The following NUDC variants were observed in gnomAD, a reference collection of about 807,000 sequenced individuals.
NUDC encodes the protein nuclear migration protein nudC.
NUDC carries 14 observed loss-of-function variants against 45.0 expected under a neutral mutation model. The observed-to-expected ratio is 0.31, with a 90% CI of 0.21 to 0.49. The LOEUF (loss-of-function observed/expected upper bound fraction) is 0.49. NUDC is among the 20% of genes least tolerant of loss of function. NUDC has a pLI of 0.99. For missense variants in NUDC, 323 were observed against 426.2 expected (o/e 0.76, Z 2.13); for synonymous variants, 153 against 156.7 (o/e 0.98, Z 0.17).
intron 1 of NUDC, among the ~76,000 whole-genome samples, chr1:26,902,065 T>C (rs1159295494): frequency 2.0e-5 from 3 of 152,198 alleles, no homozygotes; most frequent in African/African-American, 7.2e-5. Flanking sequence ...AAGAAATGCC[T>C]TCCCACTGTT....
At chr1:26,901,453 G>A (rs143600439) in intron 1 of NUDC, among the ~76,000 whole-genome samples, 87 of 139,816 alleles carry the variant, frequency 6.2e-4, no homozygotes, top group African/African-American at 2.3e-3. Context: ...CATCCAGGCT[G>A]GAGTGCAATG....
chr1:26,901,963 C>G (rs764158437), intron 1 of NUDC, among the ~76,000 whole-genome samples: 1 of 151,890 alleles, frequency 6.6e-6, no homozygotes, highest in Non-Finnish European at 1.5e-5. Flanking sequence ...CTTGTCTAAA[C>G]AATAAAAAAA....
rs770927596 is a variant in NUDC at position 26,943,044 on chromosome 1, G to A, written c.720G>A (p.Val240=). Residue 240 remains valine (V), a synonymous_variant, in exon 6 of 9, where the codon GTG becomes GTA. Coordinates refer to ENST00000321265, the MANE Select transcript of NUDC (RefSeq NM_006600.4). ...CGTGGCTCATTGAGGACGGCAAGGTGGTGACTGTGCATCTGGAGAAGGTAT... is the reference window on the plus strand; with the variant it reads ...CGTGGCTCATTGAGGACGGCAAGGTAGTGACTGTGCATCTGGAGAAGGTAT... ...ESSWLIEDGK[V]VTVHLEKINK... is the part of the protein sequence containing the mutation. 1.1e-5 allele frequency: 17 copies of A among 1,613,982 alleles called. No homozygotes were observed. Among genetic ancestry groups the A allele is most frequent in the Non-Finnish European group, 1.1e-5 (13 of 1,180,032 alleles).
chr1:26,941,311 T>G (rs2082274213), intron 2 of NUDC, 146 bp from the exon 3 acceptor site: 1 of 732,484 alleles, frequency 1.4e-6, no homozygotes, highest in Non-Finnish European at 2.4e-6. Flanking sequence ...GATAGATGTA[T>G]TTTCCTCATT....
chr1:26,938,371 C>T (rs1259508464), intron 2 of NUDC, among the ~76,000 whole-genome samples: 1 of 152,160 alleles, frequency 6.6e-6, no homozygotes, highest in Non-Finnish European at 1.5e-5. Flanking sequence ...GGGGAGGGCC[C>T]TGCTCCCACC....
chr1:26,928,676 GA>G (rs2082153575), intron 2 of NUDC, among the ~76,000 whole-genome samples: 1 of 152,126 alleles, frequency 6.6e-6, no homozygotes, highest in Admixed American at 6.6e-5. Context: ...CAGTCTTGGT[GA>G]CAGAGCAGGA....
At chr1:26,904,438 T>A (rs2081994039) in intron 2 of NUDC, among the ~76,000 whole-genome samples, 1 of 152,084 alleles carries the variant, frequency 6.6e-6, no homozygotes, top group South Asian at 2.1e-4. Context: ...ACACACATAT[T>A]TTTTAGCGAT....
intron 2 of NUDC, among the ~76,000 whole-genome samples, chr1:26,933,921 A>G (rs1459358458): frequency 6.6e-6 from 1 of 152,084 alleles, no homozygotes; most frequent in Non-Finnish European, 1.5e-5. Flanking sequence ...TTGGGTGGCC[A>G]AGGTGGGCAG....
At chr1:26,931,076 TTTTGTTTG>T (rs199712534) in intron 2 of NUDC, among the ~76,000 whole-genome samples, 3 of 151,940 alleles carry the variant, frequency 2.0e-5, no homozygotes, top group South Asian at 4.1e-4. Flanking sequence ...TTGTTTTGTT[TTTTGTTTG>T]TTTGTTTGTT....
At position 26,942,999 on chromosome 1, in the gene NUDC, A is replaced by C; in HGVS notation, c.675A>C (p.Glu225Asp). 6.2e-7 allele frequency: 1 copy of C among 1,614,094 alleles called. No homozygotes were observed. The highest frequency in any genetic ancestry group is 8.5e-7 in the Non-Finnish European group (1 of 1,180,010). ...TCATTGATGGGGAGCTCTACAATGAAGTGAAGGTGGAGGAGAGCTCGTGGC... is the reference window on the plus strand; with the variant it reads ...TCATTGATGGGGAGCTCTACAATGACGTGAAGGTGGAGGAGAGCTCGTGGC... The part of the protein sequence containing the change: ...PAIIDGELYN[E>D]VKVEESSWLI... The change falls in exon 6 of 9, where the codon GAA becomes GAC. Residue 225 changes from glutamate to aspartate, a missense_variant. Physicochemically the swap from Glu to Asp is conservative, Grantham distance 45. Around this residue, in one of 3 missense-constraint regions of NUDC, gnomAD observed 245 missense variants for 278.8 expected, o/e 0.88. Transcript: ENST00000321265.
At chr1:26,937,277 T>G (rs781055802) in intron 2 of NUDC, among the ~76,000 whole-genome samples, 1 of 152,120 alleles carries the variant, frequency 6.6e-6, no homozygotes, top group Non-Finnish European at 1.5e-5. Context: ...GGGGGGTTTT[T>G]GTTTTGAGAC....
rs200501125 is a variant in NUDC, at chr1:26,921,824, C to G, written c.-25C>G. The G allele has an allele frequency of 3.2e-6, 5 of 1,549,222 alleles. No individual in the cohort carries two copies. Among genetic ancestry groups the G allele is most frequent in the Non-Finnish European group, 1.7e-6 (2 of 1,146,464 alleles). On this transcript the variant is annotated 5_prime_UTR_variant, in exon 1 of 9. Transcript: ENST00000321265. ...AGCGCGGGACTAGAGTGCAGAGCTCCGGGACGTGGATCGGAGCCGGCGCGA... is the reference window on the plus strand; with the variant it reads ...AGCGCGGGACTAGAGTGCAGAGCTCGGGGACGTGGATCGGAGCCGGCGCGA...
intron 3 of NUDC, chr1:26,911,759 G>A (rs2082028104): frequency 6.5e-7 from 1 of 1,542,498 alleles, no homozygotes; most frequent in South Asian, 1.1e-5. Flanking sequence ...CCCCCTCCAG[G>A]AGCATTGGGT....
upstream of NUDC, chr1:26,900,191 G>A (rs1275713305): frequency 6.2e-7 from 1 of 1,614,188 alleles, no homozygotes; most frequent in South Asian, 1.1e-5. Flanking sequence ...GCCGGACATC[G>A]GTGGCCGAAG....
At chr1:26,943,587 C>G (rs1406973086) in intron 6 of NUDC, among the ~76,000 whole-genome samples, 1 of 152,142 alleles carries the variant, frequency 6.6e-6, no homozygotes, top group Non-Finnish European at 1.5e-5. Flanking sequence ...TTTCTAAAGC[C>G]ACTTCTTTTT....
chr1:26,900,369 C>T lies in NUDC; in HGVS notation c.-132C>T, dbSNP rs149540976. On this transcript the variant is annotated 5_prime_UTR_variant, in exon 1 of 7. Coordinates refer to the NUDC transcript ENST00000435827. The stretch of plus-strand genomic sequence containing the variant: ...AAAATAGCTCCGTAAATGGGCCGAG[C>T]GCAACACGGAGGGGATACCGCTCAC... 22 of 1,613,900 alleles carry T rather than the reference C, an allele frequency of 1.4e-5. No individual in the cohort carries two copies. The African/African-American group carries it at 2.9e-4, about 22-fold the overall frequency.
At chr1:26,911,809 C>G in intron 3 of NUDC, 1 of 1,613,974 alleles carries the variant, frequency 6.2e-7, no homozygotes. Context: ...CACTGCCAGC[C>G]TCTGCCCACC....
chr1:26,905,175 T>TG (rs2081997989), intron 2 of NUDC, among the ~76,000 whole-genome samples: 1 of 141,966 alleles, frequency 7.0e-6, no homozygotes, highest in Non-Finnish European at 1.5e-5. Context: ...TTTTTTTTTT[T>TG]TTTGAGACAG....
At chr1:26,918,307 A>C (rs1242384060), upstream of NUDC, among the ~76,000 whole-genome samples, 2 of 108,240 alleles carry the variant, frequency 1.8e-5, no homozygotes, top group Non-Finnish European at 3.6e-5. Flanking sequence ...TTTGAGACGG[A>C]GTCTCACTGT....
Sources: gnomAD v4.1 joint callset for allele counts (sites outside exome capture counted in the v4.1 genomes callset) on GRCh38, gnomAD v4.1.1 for gene constraint, gnomAD v4.1.1 regional missense constraint, MANE v1.5 for transcripts, NCBI Gene and HGNC (gene_info 2026-07-23, HGNC 2026-07-21) for gene names.